The following NGFR variants were observed in gnomAD, a reference collection of about 807,000 sequenced individuals.
The protein encoded by NGFR is nerve growth factor receptor, also known as tumor necrosis factor receptor superfamily member 16.
Under a neutral mutation model 43.2 loss-of-function variants are expected in NGFR, and 30 were observed. The observed-to-expected ratio is 0.69, with a 90% CI of 0.52 to 0.94. The LOEUF (loss-of-function observed/expected upper bound fraction) is 0.94. NGFR is among the 40% of genes least tolerant of loss of function. The pLI, the probability that NGFR is intolerant of heterozygous loss-of-function variation, is 0.00. For missense variants in NGFR, 529 were observed against 602.5 expected, an observed-to-expected ratio of 0.88 and a Z score of 1.28; for synonymous variants, 246 against 259.6, an observed-to-expected ratio of 0.95 and a Z score of 0.50.
Position 49,506,377 on chromosome 17 carries a change from C to T in NGFR, c.287C>T (p.Ser96Leu), listed in dbSNP as rs1452809773. The T allele has an allele frequency of 5.0e-6, 8 of 1,600,370 alleles. No homozygotes were observed. The highest frequency in any genetic ancestry group is 3.3e-5 in the South Asian group (3 of 90,840). The change falls in exon 3 of 6, where the codon TCG becomes TTG. Residue 96 changes from serine (S) to leucine (L), a missense_variant. Coordinates refer to ENST00000172229, the MANE Select transcript of NGFR (RefSeq NM_002507.4). The stretch of plus-strand genomic sequence containing the variant: ...GAGTGCGTGGGGCTCCAGAGCATGT[C>T]GGCGCCGTGCGTGGAGGCCGACGAC... ...CTECVGLQSM[S>L]APCVEADDAV...
chr17:49,502,021 CTTT>C, intron 1 of NGFR, 39 bp from the exon 2 acceptor site: 1 of 1,324,454 alleles, frequency 7.6e-7, no homozygotes, highest in Non-Finnish European at 9.9e-7. Context: ...CCCACCCCAG[CTTT>C]CTCTTGCCAG....
rs1007189272 is a variant in NGFR, at chr17:49,506,706, T to C, written c.568+48T>C. 112 of 524,520 alleles carry C rather than the reference T, an allele frequency of 2.1e-4. No homozygotes were observed. The African/African-American group carries it at 2.6e-3, about 12-fold the overall frequency. 32.5% of individuals were successfully genotyped at this position (524,520 alleles called of 1,614,324 possible). The stretch of plus-strand genomic sequence containing the variant: ...GGGGAGTGGGGGTGCGGGGGTGGGC[T>C]GGGGGCATAAGGAAGGGCGCTCTCT... On this transcript the variant is annotated intron_variant, in intron 3 of 5. Transcript: ENST00000172229.
At chr17:49,509,265 A>G (rs2071217357) in intron 3 of NGFR, among the ~76,000 whole-genome samples, 1 of 151,624 alleles carries the variant, frequency 6.6e-6, no homozygotes, top group African/African-American at 2.4e-5. Context: ...GGCAGCTTCT[A>G]CTCCTGCTTG....
chr17:49,498,620 A>C (rs1411526165), intron 1 of NGFR, among the ~76,000 whole-genome samples: 1 of 152,248 alleles, frequency 6.6e-6, no homozygotes, highest in Non-Finnish European at 1.5e-5. Flanking sequence ...AATTAAAAAA[A>C]ATGAAAATTC....
At position 49,513,110 on chromosome 17, in the gene NGFR, T is replaced by C; in HGVS notation, c.*101T>C. 7.8e-7 allele frequency: 1 copy of C among 1,281,740 alleles called. No individual in the cohort carries two copies. The highest frequency in any genetic ancestry group is 1.0e-6 in the Non-Finnish European group (1 of 959,228). 79.4% of individuals were successfully genotyped at this position (1,281,740 alleles called of 1,614,324 possible). On this transcript the variant is annotated 3_prime_UTR_variant, in exon 6 of 6. Coordinates refer to ENST00000172229, the MANE Select transcript of NGFR (RefSeq NM_002507.4). ...CCCCACCCTTTGGGGGGGGCCCGCC[T>C]GGCAGAACTGAGCTCCTCTGGGCAG...
intron 1 of NGFR, chr17:49,497,609 TGG>T (rs1033798790): frequency 2.0e-5 from 3 of 152,310 alleles, no homozygotes; most frequent in African/African-American, 7.2e-5. Flanking sequence ...CTGCTCGGTC[TGG>T]GATGGCTGTG....
In NGFR at chr17:49,512,974, CTG is replaced by C; in HGVS notation, c.1252_1253del (p.Cys418GlnfsTer2). ...RIQRADLVES[L>X]CSESTATSPV ...CCAGCGAGCCGACCTCGTGGAGAGT[CTG>C]TGCAGTGAGTCCACTGCCACATCCC... On this transcript the variant is annotated frameshift_variant, in exon 6 of 6. Coordinates refer to ENST00000172229, the MANE Select transcript of NGFR (RefSeq NM_002507.4). LOFTEE classifies it high-confidence loss of function. The surrounding 1 kb of genome is among the most constrained non-coding windows in gnomAD (Gnocchi z 5.2). 1 of 1,599,912 alleles carries C rather than the reference CTG, an allele frequency of 6.3e-7. No homozygotes were observed. The highest frequency in any genetic ancestry group is 1.7e-5 in the Admixed American group (1 of 59,204).
chr17:49,511,490 A>T (rs769163865), intron 4 of NGFR, among the ~76,000 whole-genome samples: 5 of 147,664 alleles, frequency 3.4e-5, no homozygotes, highest in Non-Finnish European at 7.5e-5. Flanking sequence ...ATGGTAATTT[A>T]TTTAGCCAGT....
At chr17:49,510,378 A>C in intron 3 of NGFR, 34 bp from the exon 4 acceptor site, 1 of 1,606,252 alleles carries the variant, frequency 6.2e-7, no homozygotes, top group Non-Finnish European at 8.5e-7. Flanking sequence ...GAGTGGGGGA[A>C]GTGGGTCCTC....
intron 2 of NGFR, chr17:49,506,022 C>G (rs11466135): frequency 4.1e-6 from 2 of 487,826 alleles, no homozygotes; most frequent in East Asian, 6.7e-5. Context: ...AGAAACTTAG[C>G]GGCACCAGCT....
intron 4 of NGFR, 94 bp from the exon 5 acceptor site, chr17:49,511,798 C>G (rs886834685): frequency 1.4e-6 from 2 of 1,396,804 alleles, no homozygotes; most frequent in Admixed American, 6.0e-5. Flanking sequence ...ACCCGCCATG[C>G]CCCTGGCCCT....
rs761496550 is a variant in NGFR, at chr17:49,512,018, C to A, written c.948C>A (p.Asp316Glu). 1 of 1,613,790 alleles carries A rather than the reference C, an allele frequency of 6.2e-7. No individual in the cohort carries two copies. Among genetic ancestry groups the A allele is most frequent in the East Asian group, 2.2e-5 (1 of 44,890 alleles). ...GISVDSQSLH[D>E]QQPHTQTASG... The stretch of plus-strand genomic sequence containing the variant: ...CCGTGGACAGCCAGAGCCTGCATGA[C>A]CAGCAGCCCCACACGCAGACAGCCT... The change falls in exon 5 of 6, where the codon GAC (aspartate) becomes GAA (glutamate). Residue 316 changes from aspartate to glutamate, a missense_variant. Physicochemically the swap from Asp to Glu is conservative, Grantham distance 45. Transcript: ENST00000172229. The surrounding 1 kb of genome is among the most constrained non-coding windows in gnomAD (Gnocchi z 5.2).
chr17:49,508,735 C>T (rs1326039067), intron 3 of NGFR, among the ~76,000 whole-genome samples: 1 of 152,194 alleles, frequency 6.6e-6, no homozygotes, highest in Non-Finnish European at 1.5e-5. Flanking sequence ...GACGTGGCCA[C>T]ATCTGGATCT....
chr17:49,495,366 G>T lies in NGFR; in HGVS notation c.-52G>T, dbSNP rs1428584854. On this transcript the variant is annotated 5_prime_UTR_variant, in exon 1 of 6. Coordinates refer to ENST00000172229, the MANE Select transcript of NGFR (RefSeq NM_002507.4). The surrounding 1 kb of genome is among the most constrained non-coding windows in gnomAD (Gnocchi z 6.4). Reference sequence around the variant, plus strand: ...AGCGCAGCGCAGCGCAGCCCCATCAGTCCGCAAAGCGGACCGAGCTGGAAG... The same window carrying T: ...AGCGCAGCGCAGCGCAGCCCCATCATTCCGCAAAGCGGACCGAGCTGGAAG... The T allele has an allele frequency of 7.4e-6, 9 of 1,208,662 alleles. No homozygotes were observed. The African/African-American group carries it at 1.4e-4, about 19-fold the overall frequency. 74.9% of individuals were successfully genotyped at this position (1,208,662 alleles called of 1,614,324 possible).
chr17:49,506,614 G>A lies in NGFR; in HGVS notation c.524G>A (p.Arg175His), dbSNP rs2071200197. Reference sequence around the variant, plus strand: ...TGCACCGTGTGCGAGGACACCGAGCGCCAGCTCCGCGAGTGCACACGCTGG... The same window carrying A: ...TGCACCGTGTGCGAGGACACCGAGCACCAGCTCCGCGAGTGCACACGCTGG... ...LPCTVCEDTE[R>H]QLRECTRWAD... The change falls in exon 3 of 6, where the codon CGC (arginine) becomes CAC (histidine). Residue 175 changes from arginine to histidine, a missense_variant. Coordinates refer to ENST00000172229, the MANE Select transcript of NGFR (RefSeq NM_002507.4). The A allele has an allele frequency of 6.3e-7, 1 of 1,595,894 alleles. No individual in the cohort carries two copies.
intron 3 of NGFR, among the ~76,000 whole-genome samples, chr17:49,508,537 G>T (rs189967008): frequency 6.6e-6 from 1 of 152,098 alleles, no homozygotes; most frequent in African/African-American, 2.4e-5. Flanking sequence ...CCCCTCCAGC[G>T]TACCATACTT....
At chr17:49,505,899 A>C in intron 2 of NGFR, 1 of 183,792 alleles carries the variant, frequency 5.4e-6, no homozygotes, top group Non-Finnish European at 1.1e-5. Flanking sequence ...GGACCGGGTT[A>C]GCAGCCCAGC....
chr17:49,506,678 CG>C lies in NGFR; in HGVS notation c.568+26del, dbSNP rs2071201304. The C allele has an allele frequency of 4.1e-4, 35 of 84,596 alleles. No homozygotes were observed. The highest frequency in any genetic ancestry group is 1.2e-3 in the South Asian group (2 of 1,684). 5.2% of individuals were successfully genotyped at this position (84,596 alleles called of 1,614,324 possible). ...GCGAGGGTGAGTGCGGTTCGGGGGG[CG>C]GGGGGAGTGGGGGTGCGGGGGTGGG... On this transcript the variant is annotated intron_variant, in intron 3 of 5. Coordinates refer to ENST00000172229, the MANE Select transcript of NGFR (RefSeq NM_002507.4).
chr17:49,506,465 C>A lies in NGFR; in HGVS notation c.375C>A (p.Cys125Ter), dbSNP rs1166346521. The A allele has an allele frequency of 6.2e-7, 1 of 1,609,374 alleles. No homozygotes were observed. The highest frequency in any genetic ancestry group is 2.2e-5 in the East Asian group (1 of 44,806). Residue 125 changes from cysteine (C) to a stop codon, truncating the protein, a stop_gained, in exon 3 of 6, where the codon TGC becomes TGA. Coordinates refer to ENST00000172229, the MANE Select transcript of NGFR (RefSeq NM_002507.4). LOFTEE classifies it high-confidence loss of function. ...AGACGACTGGGCGCTGCGAGGCGTG[C>A]CGCGTGTGCGAGGCGGGCTCGGGCC... ...QDETTGRCEACRVCEAGSGLV... is the reference protein window; with the variant it reads ...QDETTGRCEA
Sources: allele counts gnomAD v4.1 joint callset (sites outside exome capture counted in the v4.1 genomes callset), GRCh38; gene constraint gnomAD v4.1.1; non-coding constraint Gnocchi (gnomAD v3.1); transcripts MANE v1.5; gene names NCBI Gene and HGNC (gene_info 2026-07-23, HGNC 2026-07-21).